MAML2: variants seen among roughly 807,000 people sequenced by gnomAD.
The protein encoded by MAML2 is mastermind-like protein 2.
Under a neutral mutation model 96.1 loss-of-function variants are expected in MAML2, and 22 were observed. The ratio of observed to expected loss-of-function variants is 0.23; its 90% CI spans 0.16 to 0.33. MAML2 has a LOEUF of 0.33. Ranked by LOEUF, MAML2 falls within the 10% of genes least tolerant of loss-of-function variation. MAML2 has a pLI of 1.00. For missense variants in MAML2, 1,367 were observed against 1,392.4 expected (o/e 0.98, Z 0.29); for synonymous variants, 561 against 521.3 (o/e 1.08, Z -1.04).
Position 95,999,207 on chromosome 11 carries a change from C to A in MAML2, c.2140-7484G>T, listed in dbSNP as rs371142209. 3.9e-5 allele frequency among the ~76,000 whole-genome samples: 6 copies of A among 152,246 alleles called. No homozygotes were observed. The South Asian group carries it at 1.2e-3, about 32-fold the overall frequency. On this transcript the variant is annotated intron_variant, in intron 2 of 4. Coordinates refer to ENST00000524717, the MANE Select transcript of MAML2 (RefSeq NM_032427.4). ...TATGTGTGAAGAAAATCTTGTAAAT[C>A]TATCCAAAATCTATCCAAAAGCAGA...
At chr11:96,332,373 C>G (rs1295650363) in intron 1 of MAML2, among the ~76,000 whole-genome samples, 1 of 152,106 alleles carries the variant, frequency 6.6e-6, no homozygotes, top group Non-Finnish European at 1.5e-5. Flanking sequence ...ATCAGGTTCC[C>G]AAGGAGAAAA....
chr11:96,190,626 G>A (rs12282301), intron 1 of MAML2, among the ~76,000 whole-genome samples: 28,507 of 152,072 alleles, frequency 0.19, 2,850 homozygotes, highest in Middle Eastern at 0.25. Flanking sequence ...AAAATATTTG[G>A]GGTAACAATC....
At chr11:96,339,355 G>A (rs145619672) in intron 1 of MAML2, among the ~76,000 whole-genome samples, 1 of 152,254 alleles carries the variant, frequency 6.6e-6, no homozygotes, top group African/African-American at 2.4e-5. Context: ...AAGTTACCAC[G>A]ACCACTAAAG....
At chr11:96,098,664 G>A (rs1484664299) in intron 1 of MAML2, among the ~76,000 whole-genome samples, 1 of 152,146 alleles carries the variant, frequency 6.6e-6, no homozygotes, top group Non-Finnish European at 1.5e-5. Context: ...CTTCCATTTG[G>A]ACACCTAGAT....
At chr11:96,220,626 A>AT (rs1422083275) in intron 1 of MAML2, among the ~76,000 whole-genome samples, 5 of 152,014 alleles carry the variant, frequency 3.3e-5, no homozygotes, top group South Asian at 2.1e-4. Context: ...TACATGCAGA[A>AT]TTTTTTTTGT....
At chr11:96,296,235 C>T (rs1863297229) in intron 1 of MAML2, among the ~76,000 whole-genome samples, 1 of 151,932 alleles carries the variant, frequency 6.6e-6, no homozygotes, top group Admixed American at 6.6e-5. Flanking sequence ...GTACAACTGA[C>T]AAATTTGATT....
chr11:96,216,313 A>G (rs116852303), intron 1 of MAML2, among the ~76,000 whole-genome samples: 2,885 of 152,268 alleles, frequency 0.019, 45 homozygotes, highest in Middle Eastern at 0.034. Context: ...TTTCTGCCCT[A>G]AAGTCTATGG....
At chr11:96,075,704 T>C (rs1321317448) in intron 2 of MAML2, among the ~76,000 whole-genome samples, 1 of 152,076 alleles carries the variant, frequency 6.6e-6, no homozygotes, top group African/African-American at 2.4e-5. Flanking sequence ...CCAAAGGAAG[T>C]GATGTTTAAG....
At chr11:96,191,371 G>A (rs1414758256) in intron 1 of MAML2, among the ~76,000 whole-genome samples, 1 of 151,828 alleles carries the variant, frequency 6.6e-6, no homozygotes, top group African/African-American at 2.4e-5. Flanking sequence ...GGCTGAGGCA[G>A]AAGAATCGCT....
chr11:96,298,398 G>T (rs1863331622), intron 1 of MAML2, among the ~76,000 whole-genome samples: 1 of 152,180 alleles, frequency 6.6e-6, no homozygotes, highest in Non-Finnish European at 1.5e-5. Flanking sequence ...AAGTAGAAAT[G>T]AGCTAAGTTG....
chr11:96,316,287 A>G (rs1366674021), intron 1 of MAML2, among the ~76,000 whole-genome samples: 2 of 152,206 alleles, frequency 1.3e-5, no homozygotes, highest in African/African-American at 4.8e-5. Flanking sequence ...ACAAATGAAA[A>G]AGGCAATAAA....
intron 1 of MAML2, among the ~76,000 whole-genome samples, chr11:96,103,062 A>C (rs917644435): frequency 1.3e-5 from 2 of 152,114 alleles, no homozygotes; most frequent in African/African-American, 4.8e-5. Context: ...AGCTTTCTCT[A>C]AAGGGCATAC....
At chr11:96,156,352 G>A (rs1050539948) in intron 1 of MAML2, among the ~76,000 whole-genome samples, 13 of 152,178 alleles carry the variant, frequency 8.5e-5, no homozygotes, top group African/African-American at 3.1e-4. Flanking sequence ...TTTCGCTGAA[G>A]GTCACTTGCT....
intron 2 of MAML2, among the ~76,000 whole-genome samples, chr11:96,052,550 C>A (rs1859004232): frequency 6.6e-6 from 1 of 151,688 alleles, no homozygotes. Flanking sequence ...CACCATCAGC[C>A]AACCTTAGTT....
At chr11:96,083,430 T>A (rs1859558772) in intron 2 of MAML2, among the ~76,000 whole-genome samples, 2 of 152,154 alleles carry the variant, frequency 1.3e-5, no homozygotes, top group Admixed American at 6.5e-5. Context: ...CCAGCCCCCA[T>A]CAATAGGGCC....
chr11:96,262,553 C>T (rs1410053320), intron 1 of MAML2, among the ~76,000 whole-genome samples: 2 of 151,750 alleles, frequency 1.3e-5, no homozygotes, highest in Non-Finnish European at 2.9e-5. Context: ...CTGCAACCTC[C>T]GCCTCCCAGG....
At chr11:96,312,197 G>A (rs1409265745) in intron 1 of MAML2, among the ~76,000 whole-genome samples, 1 of 124,824 alleles carries the variant, frequency 8.0e-6, no homozygotes, top group African/African-American at 3.2e-5. Context: ...TCCAGCCTGG[G>A]CGACAGAGCA....
intron 2 of MAML2, among the ~76,000 whole-genome samples, chr11:96,003,234 G>T (rs572184585): frequency 6.6e-6 from 1 of 152,196 alleles, no homozygotes; most frequent in South Asian, 2.1e-4. Flanking sequence ...ATGTGCATGT[G>T]TTGGAAGGCA....
chr11:96,229,701 GCATTATAC>G (rs1269595010), intron 1 of MAML2, among the ~76,000 whole-genome samples: 4 of 151,832 alleles, frequency 2.6e-5, no homozygotes, highest in Admixed American at 6.6e-5. Context: ...GTACTTCATT[GCATTATAC>G]CAGTATAAAA....
Sources: gnomAD v4.1 joint callset for allele counts (sites outside exome capture counted in the v4.1 genomes callset) on GRCh38, gnomAD v4.1.1 for gene constraint, MANE v1.5 for transcripts, NCBI Gene and HGNC (gene_info 2026-07-23, HGNC 2026-07-21) for gene names.